Variants in OR1F1 observed in about 807,000 individuals in gnomAD.
OR1F1 encodes olfactory receptor 1F1.
For missense variants in OR1F1, 493 were observed against 376.3 expected, an observed-to-expected ratio of 1.31 and a Z score of -2.57; for synonymous variants, 184 against 156.7, an observed-to-expected ratio of 1.17 and a Z score of -1.30.
At chr16:3,204,238 C>A (rs1436247722), upstream of OR1F1, 1 of 1,581,358 alleles carries the variant, frequency 6.3e-7, no homozygotes, top group Non-Finnish European at 8.6e-7. Context: ...TGTCCAGGAT[C>A]CCAGGCCCAT....
At chr16:3,195,389 C>A in the OR1F1 span, among the ~76,000 whole-genome samples, 1 of 151,402 alleles carries the variant, frequency 6.6e-6, no homozygotes, top group African/African-American at 2.4e-5. Flanking sequence ...GCTTCAAATG[C>A]GGGCGTCCAT....
At chr16:3,195,054 G>A in the OR1F1 span, among the ~76,000 whole-genome samples, 1 of 152,184 alleles carries the variant, frequency 6.6e-6, no homozygotes, top group African/African-American at 2.4e-5. Flanking sequence ...GGTGGCGGAA[G>A]GCCCCGTGTC....
chr16:3,204,869 T>C (rs1188779226), exon 1 of OR1F1: 1 of 1,614,150 alleles, frequency 6.2e-7, no homozygotes, highest in South Asian at 1.1e-5. Flanking sequence ...CTGGTCATGA[T>C]CACCCCATTT....
the OR1F1 span, among the ~76,000 whole-genome samples, chr16:3,190,516 T>TGAA: frequency 4.3e-4 from 65 of 152,298 alleles, 1 homozygote; most frequent in East Asian, 8.7e-3. Flanking sequence ...TTTGGGAGGC[T>TGAA]GAGGCAGGTT....
chr16:3,203,037 C>T (rs978028999), upstream of OR1F1, among the ~76,000 whole-genome samples: 4 of 152,190 alleles, frequency 2.6e-5, no homozygotes, highest in African/African-American at 9.7e-5. Flanking sequence ...GGATAAAATA[C>T]AGGGTCGTGA....
upstream of OR1F1, among the ~76,000 whole-genome samples, chr16:3,200,417 G>A (rs1020273575): frequency 2.0e-5 from 3 of 152,190 alleles, no homozygotes; most frequent in Admixed American, 2.0e-4. Flanking sequence ...GACCAGCCTG[G>A]CCAATATGGT....
At chr16:3,203,639 C>T (rs1409158255), upstream of OR1F1, among the ~76,000 whole-genome samples, 1 of 152,278 alleles carries the variant, frequency 6.6e-6, no homozygotes, top group South Asian at 2.1e-4. Context: ...TGGCACGTGC[C>T]TATAATCCCA....
chr16:3,190,628 G>C, the OR1F1 span, among the ~76,000 whole-genome samples: 2 of 151,890 alleles, frequency 1.3e-5, no homozygotes, highest in South Asian at 4.2e-4. Context: ...GCGGGCGCCT[G>C]TAATCCCAGG....
chr16:3,196,060 C>T, the OR1F1 span, among the ~76,000 whole-genome samples: 1 of 152,232 alleles, frequency 6.6e-6, no homozygotes, highest in East Asian at 1.9e-4. Flanking sequence ...AAGGGCAGGA[C>T]CCAGCGAGCA....
downstream of OR1F1, chr16:3,205,247 T>G (rs1224338163): frequency 8.5e-7 from 1 of 1,181,942 alleles, no homozygotes; most frequent in Non-Finnish European, 1.2e-6. Context: ...TTGAGTTTAA[T>G]GCAGTAGTTG....
At chr16:3,191,155 AAT>A in the OR1F1 span, 1 of 152,216 alleles carries the variant, frequency 6.6e-6, no homozygotes, top group Non-Finnish European at 1.5e-5. Context: ...CTGTTCCTGT[AAT>A]TCGAGTGGCC....
downstream of OR1F1, among the ~76,000 whole-genome samples, chr16:3,206,411 C>G (rs538518395): frequency 1.3e-5 from 2 of 152,156 alleles, no homozygotes; most frequent in South Asian, 4.1e-4. Flanking sequence ...CTCCTTTTTG[C>G]CCTTTGACAC....
the OR1F1 span, chr16:3,191,091 T>C: frequency 2.0e-5 from 3 of 152,174 alleles, no homozygotes; most frequent in African/African-American, 7.2e-5. Context: ...CTTCAGACAT[T>C]CTGTCTGCAG....
chr16:3,191,071 T>C, the OR1F1 span, among the ~76,000 whole-genome samples: 1 of 152,130 alleles, frequency 6.6e-6, no homozygotes. Flanking sequence ...TTCTGTGAGC[T>C]CCCAGTGAGC....
At chr16:3,205,007 C>A (rs753464338) in exon 1 of OR1F1, 13 of 1,613,934 alleles carry the variant, frequency 8.1e-6, no homozygotes, top group Middle Eastern at 1.6e-4. Context: ...TTCTACAGCA[C>A]CATCATTGCT....
At chr16:3,193,071 G>T in the OR1F1 span, among the ~76,000 whole-genome samples, 1 of 152,052 alleles carries the variant, frequency 6.6e-6, no homozygotes, top group Non-Finnish European at 1.5e-5. Context: ...CGAGTAGTTG[G>T]AGGAGCCACC....
downstream of OR1F1, among the ~76,000 whole-genome samples, chr16:3,205,430 C>T (rs2141595509): frequency 6.6e-6 from 1 of 152,188 alleles, no homozygotes. Context: ...ATCCTCCTGC[C>T]TCAGCCTCCT....
chr16:3,204,436 A>T (rs1265242749), exon 1 of OR1F1: 1 of 1,613,972 alleles, frequency 6.2e-7, no homozygotes, highest in Non-Finnish European at 8.5e-7. Flanking sequence ...CTTCTTCCTC[A>T]GCAACCTGTC....
the OR1F1 span, among the ~76,000 whole-genome samples, chr16:3,190,189 C>T: frequency 6.6e-6 from 1 of 152,116 alleles, no homozygotes; most frequent in African/African-American, 2.4e-5. Context: ...GTCCAGAGAC[C>T]TCTCCCTCCC....
Sources: allele counts gnomAD v4.1 joint callset (sites outside exome capture counted in the v4.1 genomes callset), GRCh38; gene constraint gnomAD v4.1.1; transcripts MANE v1.5; gene names NCBI Gene and HGNC (gene_info 2026-07-23, HGNC 2026-07-21).